Variants in ROBO1 observed in about 807,000 individuals in gnomAD.
ROBO1 encodes the protein roundabout homolog 1.
ROBO1 carries 149 observed loss-of-function variants against 195.9 expected under a neutral mutation model. The ratio of observed to expected loss-of-function variants is 0.76; its 90% CI spans 0.67 to 0.87. The LOEUF is 0.87. ROBO1 is among the 40% of genes least tolerant of loss of function. ROBO1 has a pLI of 0.00. For missense variants in ROBO1, 1,933 were observed against 2,068.3 expected (o/e 0.93, Z 1.27); for synonymous variants, 816 against 733.2 (o/e 1.11, Z -1.82).
At chr3:79,174,276 G>A (rs1553694984) in intron 2 of ROBO1, among the ~76,000 whole-genome samples, 1 of 151,788 alleles carries the variant, frequency 6.6e-6, no homozygotes, top group Non-Finnish European at 1.5e-5. Flanking sequence ...GCGAGCCCAC[G>A]AGCCCACTGA....
intron 10 of ROBO1, 130 bp from the exon 11 acceptor site, chr3:78,670,431 C>T (rs1244144497): frequency 4.2e-6 from 3 of 714,058 alleles, no homozygotes; most frequent in Admixed American, 2.7e-5. Flanking sequence ...AAGTAGCAGA[C>T]ATGCATTATT....
chr3:79,340,728 C>T (rs2109222136), intron 2 of ROBO1, among the ~76,000 whole-genome samples: 1 of 152,160 alleles, frequency 6.6e-6, no homozygotes, highest in Admixed American at 6.5e-5. Context: ...TTAAAAAAGC[C>T]AGCTCTTATA....
intron 2 of ROBO1, among the ~76,000 whole-genome samples, chr3:79,166,194 A>G (rs2081059938): frequency 6.6e-6 from 1 of 152,224 alleles, no homozygotes; most frequent in African/African-American, 2.4e-5. Context: ...GTAAGACTTG[A>G]TGAAGATCAT....
chr3:78,980,682 A>G (rs2107982883), intron 3 of ROBO1, among the ~76,000 whole-genome samples: 1 of 152,154 alleles, frequency 6.6e-6, no homozygotes, highest in South Asian at 2.1e-4. Flanking sequence ...AAACACCACC[A>G]CCACCAAACT....
At chr3:79,543,156 C>A (rs550576178) in intron 2 of ROBO1, among the ~76,000 whole-genome samples, 5 of 151,964 alleles carry the variant, frequency 3.3e-5, no homozygotes, top group Non-Finnish European at 7.4e-5. Context: ...CTGTCATCCT[C>A]CCAAGTAATT....
chr3:79,512,125 G>A (rs1359427327), intron 2 of ROBO1, among the ~76,000 whole-genome samples: 4 of 151,930 alleles, frequency 2.6e-5, no homozygotes, highest in Non-Finnish European at 5.9e-5. Context: ...ACATCGTCTG[G>A]TGCAACCCAC....
chr3:79,669,990 A>G (rs1946586658), intron 1 of ROBO1, among the ~76,000 whole-genome samples: 1 of 151,938 alleles, frequency 6.6e-6, no homozygotes. Flanking sequence ...CTCAAAGTGA[A>G]TAAATTTGAG....
At chr3:79,306,358 G>A (rs566586335) in intron 2 of ROBO1, among the ~76,000 whole-genome samples, 1 of 151,502 alleles carries the variant, frequency 6.6e-6, no homozygotes, top group African/African-American at 2.4e-5. Flanking sequence ...ATGATTATTT[G>A]AGCTCTTTCC....
intron 1 of ROBO1, among the ~76,000 whole-genome samples, chr3:79,740,073 C>G (rs1166586376): frequency 6.6e-6 from 1 of 151,104 alleles, no homozygotes; most frequent in African/African-American, 2.4e-5. Flanking sequence ...TAATCATTAA[C>G]TTTAATATAA....
intron 2 of ROBO1, among the ~76,000 whole-genome samples, chr3:79,294,840 T>C (rs2032488737): frequency 6.6e-6 from 1 of 151,990 alleles, no homozygotes; most frequent in Admixed American, 6.6e-5. Flanking sequence ...CCAACTAACA[T>C]GAAAAAAAGC....
intron 3 of ROBO1, among the ~76,000 whole-genome samples, chr3:79,026,911 A>G (rs190434801): frequency 6.6e-6 from 1 of 151,484 alleles, no homozygotes; most frequent in Non-Finnish European, 1.5e-5. Context: ...ATTGCTTTTT[A>G]AAAAAAAATC....
chr3:79,503,855 T>C (rs1940249796), intron 2 of ROBO1, among the ~76,000 whole-genome samples: 1 of 152,174 alleles, frequency 6.6e-6, no homozygotes, highest in Non-Finnish European at 1.5e-5. Context: ...AAAGACTCCT[T>C]TCAATTAGGA....
At chr3:79,525,502 A>G (rs1369108800) in intron 2 of ROBO1, among the ~76,000 whole-genome samples, 1 of 147,894 alleles carries the variant, frequency 6.8e-6, no homozygotes, top group Non-Finnish European at 1.5e-5. Flanking sequence ...TTTTATCCAT[A>G]ATTTAAACAT....
intron 1 of ROBO1, among the ~76,000 whole-genome samples, chr3:79,703,669 T>G (rs1055576081): frequency 6.6e-6 from 1 of 151,970 alleles, no homozygotes; most frequent in Non-Finnish European, 1.5e-5. Flanking sequence ...TGGTCTCTTA[T>G]ATGAACTAAC....
Position 79,451,758 on chromosome 3 carries a change from G to A in ROBO1, c.88+138066C>T, listed in dbSNP as rs544033359. ...ACAGCATCTCAGACTGACTAAGACA[G>A]GGTATTAGAGGGAGTACCTATAGGA... On this transcript the variant is annotated intron_variant, in intron 2 of 30. Coordinates refer to ENST00000464233, the MANE Select transcript of ROBO1 (RefSeq NM_002941.4). 5.9e-5 allele frequency among the ~76,000 whole-genome samples: 9 copies of A among 152,120 alleles called. No individual in the cohort carries two copies. The South Asian group carries it at 1.9e-3, about 32-fold the overall frequency.
At chr3:79,510,674 A>G (rs1276709269) in intron 2 of ROBO1, among the ~76,000 whole-genome samples, 2 of 151,984 alleles carry the variant, frequency 1.3e-5, no homozygotes, top group South Asian at 2.1e-4. Flanking sequence ...TATCTACACT[A>G]ATTTGGGAGA....
intron 2 of ROBO1, among the ~76,000 whole-genome samples, chr3:79,433,430 G>A (rs2038757434): frequency 6.6e-6 from 1 of 151,944 alleles, no homozygotes; most frequent in Admixed American, 6.6e-5. Flanking sequence ...TAGCTCTGTT[G>A]CCCAGACTGG....
chr3:78,978,718 T>C (rs72910232), intron 3 of ROBO1, among the ~76,000 whole-genome samples: 1,717 of 152,252 alleles, frequency 0.011, 39 homozygotes, highest in African/African-American at 0.037. Flanking sequence ...AAGTACAGTA[T>C]ATAAAAAAGA....
Position 79,614,850 on chromosome 3 carries a change from A to T in ROBO1, c.-50-24889T>A, listed in dbSNP as rs574741216. 1.3e-3 allele frequency among the ~76,000 whole-genome samples: 194 copies of T among 152,196 alleles called. 2 individuals are homozygous for T. The highest frequency in any genetic ancestry group is 4.4e-3 in the African/African-American group (183 of 41,538). The stretch of plus-strand genomic sequence containing the variant: ...AATATAAATAAAGAGTCTTATTTGG[A>T]AAATTCACTCTATGATTTCAGTGCA... On this transcript the variant is annotated intron_variant, in intron 1 of 30. Transcript: ENST00000464233.
Sources: gnomAD v4.1 joint callset for allele counts (sites outside exome capture counted in the v4.1 genomes callset) on GRCh38, gnomAD v4.1.1 for gene constraint, MANE v1.5 for transcripts, NCBI Gene and HGNC (gene_info 2026-07-23, HGNC 2026-07-21) for gene names.